ELAPOR2: variants seen among roughly 807,000 people sequenced by gnomAD.
ELAPOR2 encodes endosome-lysosome associated apoptosis and autophagy regulator family member 2.
A neutral mutation model predicts 120.7 loss-of-function variants in ELAPOR2; 89 were observed. That is an observed-to-expected ratio of 0.74 (90% CI 0.62 to 0.88). The LOEUF is 0.88. Among genes scored for constraint, ELAPOR2 ranks in the 40% least tolerant of loss-of-function variants. The probability of loss-of-function intolerance (pLI) is 0.00; values close to 1 mark genes in which losing one functional copy is unlikely to be tolerated. For missense variants in ELAPOR2, 1,134 were observed against 1,251.6 expected (o/e 0.91, Z 1.42); for synonymous variants, 444 against 444.9 (o/e 1.00, Z 0.03).
At chr7:86,969,815 T>C (rs1170890973) in intron 1 of ELAPOR2, among the ~76,000 whole-genome samples, 1 of 152,150 alleles carries the variant, frequency 6.6e-6, no homozygotes, top group Non-Finnish European at 1.5e-5. Flanking sequence ...GTATACAAAA[T>C]GCGACCCTAT....
intron 8 of ELAPOR2, among the ~76,000 whole-genome samples, chr7:86,935,358 G>A (rs567236781): frequency 4.6e-5 from 7 of 151,830 alleles, no homozygotes; most frequent in South Asian, 4.2e-4. Context: ...TCACCATCCC[G>A]CTCCCTCTAT....
chr7:86,908,313 C>A, intron 17 of ELAPOR2, 134 bp downstream of exon 17: 1 of 558,392 alleles, frequency 1.8e-6, no homozygotes. Context: ...CATAGTTGAT[C>A]TTCTCTGCCA....
chr7:86,923,009 C>T (rs993977077), intron 10 of ELAPOR2, among the ~76,000 whole-genome samples: 3 of 151,800 alleles, frequency 2.0e-5, no homozygotes, highest in African/African-American at 4.8e-5. Flanking sequence ...CAAGGAATAG[C>T]CTTTTAACAT....
chr7:87,049,372 C>G lies in ELAPOR2; in HGVS notation c.189+9953G>C, dbSNP rs182536720. On this transcript the variant is annotated intron_variant, in intron 1 of 21. Transcript: ENST00000450689. ...TCTCGGCTCACTGCAAGCTCCGCCT[C>G]CCGGGTTCACGCCATTCTCCTGCCT... Among the ~76,000 whole-genome samples the G allele has an allele frequency of 3.5e-3, 525 of 152,130 alleles. 10 individuals are homozygous for G. Among genetic ancestry groups the G allele is most frequent in the Non-Finnish European group, 1.3e-3 (91 of 67,992 alleles).
At chr7:86,985,989 G>T (rs1792716348) in intron 1 of ELAPOR2, among the ~76,000 whole-genome samples, 1 of 151,964 alleles carries the variant, frequency 6.6e-6, no homozygotes, top group Non-Finnish European at 1.5e-5. Flanking sequence ...CATTCCCTTG[G>T]AAAACTGGTG....
At chr7:86,963,243 T>C (rs1031067024) in intron 2 of ELAPOR2, among the ~76,000 whole-genome samples, 1 of 152,236 alleles carries the variant, frequency 6.6e-6, no homozygotes, top group Non-Finnish European at 1.5e-5. Flanking sequence ...TAGAGTGTCA[T>C]ATTCCAAATG....
At chr7:86,892,643 C>T (rs1348356692) in intron 20 of ELAPOR2, among the ~76,000 whole-genome samples, 1 of 152,064 alleles carries the variant, frequency 6.6e-6, no homozygotes, top group Non-Finnish European at 1.5e-5. Context: ...CTCAGCTCTG[C>T]TATCATCTAC....
chr7:86,925,133 G>C (rs1790009067), intron 10 of ELAPOR2, among the ~76,000 whole-genome samples: 1 of 151,878 alleles, frequency 6.6e-6, no homozygotes, highest in African/African-American at 2.4e-5. Context: ...GGAATTTGAA[G>C]TTAGTTAACC....
chr7:86,960,442 G>A lies in ELAPOR2; in HGVS notation c.310+4462C>T, dbSNP rs144943093. Among the ~76,000 whole-genome samples the A allele has an allele frequency of 7.1e-3, 1,083 of 151,962 alleles. 13 individuals are homozygous for A. Among genetic ancestry groups the A allele is most frequent in the East Asian group, 0.031 (158 of 5,166 alleles). ...ATTTTTTTGTATTTTTAGTAGAGAC[G>A]GGGTTTCACTATGTTGGCCAGGCTG... On this transcript the variant is annotated intron_variant, in intron 2 of 21. Coordinates refer to ENST00000450689, the MANE Select transcript of ELAPOR2 (RefSeq NM_001142749.3).
At chr7:86,900,191 G>T (rs1408835700) in intron 18 of ELAPOR2, among the ~76,000 whole-genome samples, 1 of 151,582 alleles carries the variant, frequency 6.6e-6, no homozygotes, top group Non-Finnish European at 1.5e-5. Context: ...AAATAGAAGA[G>T]AAAGTCTGTT....
intron 1 of ELAPOR2, among the ~76,000 whole-genome samples, chr7:87,043,642 C>T (rs1349137065): frequency 2.0e-5 from 3 of 147,500 alleles, no homozygotes; most frequent in Non-Finnish European, 4.5e-5. Context: ...ATGACAAACC[C>T]ACAGCCAATA....
intron 1 of ELAPOR2, among the ~76,000 whole-genome samples, chr7:87,047,398 TA>T (rs1170496227): frequency 6.6e-6 from 1 of 152,078 alleles, no homozygotes; most frequent in African/African-American, 2.4e-5. Context: ...AGTGAAGAGA[TA>T]ACCTACAGAA....
chr7:87,024,672 C>T (rs1245168161), intron 1 of ELAPOR2, among the ~76,000 whole-genome samples: 1 of 152,018 alleles, frequency 6.6e-6, no homozygotes, highest in Non-Finnish European at 1.5e-5. Flanking sequence ...TGGTAGAATT[C>T]GGCTGTGAAT....
At chr7:86,979,808 G>T (rs1792403587) in intron 1 of ELAPOR2, among the ~76,000 whole-genome samples, 1 of 152,220 alleles carries the variant, frequency 6.6e-6, no homozygotes, top group Admixed American at 6.5e-5. Flanking sequence ...ACGGACAGAA[G>T]TAGCTCAGGA....
chr7:86,968,508 A>T (rs750881232), intron 1 of ELAPOR2, among the ~76,000 whole-genome samples: 3 of 152,222 alleles, frequency 2.0e-5, no homozygotes, highest in Non-Finnish European at 4.4e-5. Context: ...TGCATTTCAA[A>T]GGATAAAATA....
At chr7:87,043,580 C>T (rs1457350005) in intron 1 of ELAPOR2, among the ~76,000 whole-genome samples, 1 of 146,940 alleles carries the variant, frequency 6.8e-6, no homozygotes, top group Admixed American at 6.8e-5. Context: ...GCTAAAAACT[C>T]TCAATAAATT....
intron 16 of ELAPOR2, among the ~76,000 whole-genome samples, chr7:86,908,922 C>G (rs1018264147): frequency 3.3e-5 from 5 of 152,004 alleles, no homozygotes; most frequent in African/African-American, 4.8e-5. Context: ...TTTGCTAATA[C>G]AGCTTTTTAC....
intron 1 of ELAPOR2, among the ~76,000 whole-genome samples, chr7:87,050,360 G>C (rs11766407): frequency 6.6e-6 from 1 of 151,850 alleles, no homozygotes; most frequent in African/African-American, 2.4e-5. Flanking sequence ...CTTTGCAATA[G>C]TGAGTTCTCA....
intron 1 of ELAPOR2, among the ~76,000 whole-genome samples, chr7:86,988,306 G>T (rs1313368985): frequency 1.3e-5 from 2 of 152,094 alleles, no homozygotes; most frequent in Non-Finnish European, 2.9e-5. Context: ...TAACAAGCCT[G>T]CACGTTGTGC....
Sources: gnomAD v4.1 joint callset for allele counts (sites outside exome capture counted in the v4.1 genomes callset) on GRCh38, gnomAD v4.1.1 for gene constraint, MANE v1.5 for transcripts, NCBI Gene and HGNC (gene_info 2026-07-23, HGNC 2026-07-21) for gene names.